CTNNA3: variants seen among roughly 807,000 people sequenced by gnomAD.
The protein encoded by CTNNA3 is catenin alpha-3.
Under a neutral mutation model 95.7 loss-of-function variants are expected in CTNNA3, and 76 were observed. The observed-to-expected ratio is 0.79, with a 90% confidence interval of 0.66 to 0.96. CTNNA3 has a LOEUF of 0.96. CTNNA3 is among the 40% of genes least tolerant of loss of function. The probability of loss-of-function intolerance (pLI) is 0.00; values close to 1 mark genes in which losing one functional copy is unlikely to be tolerated. For missense variants in CTNNA3, 1,191 were observed against 1,089.8 expected (o/e 1.09, Z -1.31); for synonymous variants, 431 against 374.4 (o/e 1.15, Z -1.74).
intron 17 of CTNNA3, among the ~76,000 whole-genome samples, chr10:65,926,059 C>T (rs914006955): frequency 2.0e-5 from 3 of 149,372 alleles, no homozygotes; most frequent in African/African-American, 7.3e-5. Flanking sequence ...ATAATAGATA[C>T]TAAATATATA....
chr10:67,056,422 T>G (rs1371999337), intron 7 of CTNNA3, among the ~76,000 whole-genome samples: 3 of 152,142 alleles, frequency 2.0e-5, no homozygotes, highest in African/African-American at 7.2e-5. Flanking sequence ...TGCATCTAAT[T>G]TTATGTTCAC....
At chr10:66,771,019 G>C (rs979250891) in intron 8 of CTNNA3, among the ~76,000 whole-genome samples, 21 of 152,174 alleles carry the variant, frequency 1.4e-4, no homozygotes, top group African/African-American at 5.1e-4. Flanking sequence ...GATACATAAT[G>C]TTATTTGATG....
At chr10:66,199,806 T>TATATATATATGTATATATATATA (rs1554887153) in intron 13 of CTNNA3, among the ~76,000 whole-genome samples, 1 of 9,042 alleles carries the variant, frequency 1.1e-4, no homozygotes, top group Non-Finnish European at 1.8e-4. Flanking sequence ...TATATATATA[T>TATATATATATGTATATATATATA]TTTTTTTTTT....
At chr10:66,919,629 C>T (rs186912459) in intron 7 of CTNNA3, among the ~76,000 whole-genome samples, 1 of 152,224 alleles carries the variant, frequency 6.6e-6, no homozygotes, top group Non-Finnish European at 1.5e-5. Context: ...ATGGTCAGAC[C>T]TGGAATATTC....
At chr10:66,671,954 T>C (rs908998270) in intron 9 of CTNNA3, among the ~76,000 whole-genome samples, 3 of 152,174 alleles carry the variant, frequency 2.0e-5, no homozygotes, top group African/African-American at 7.2e-5. Context: ...ATGCTGGTTA[T>C]TATTCTTGAA....
intron 5 of CTNNA3, among the ~76,000 whole-genome samples, chr10:67,443,514 T>A (rs975103208): frequency 6.6e-6 from 1 of 152,122 alleles, no homozygotes; most frequent in African/African-American, 2.4e-5. Context: ...GATATCTCAT[T>A]GTGGTTTTGA....
chr10:66,394,672 T>G (rs1280451198), intron 11 of CTNNA3, among the ~76,000 whole-genome samples: 1 of 151,918 alleles, frequency 6.6e-6, no homozygotes, highest in East Asian at 1.9e-4. Flanking sequence ...ATAAAACCAT[T>G]CAAGTCTTGC....
chr10:67,650,967 A>C (rs1160016820), intron 1 of CTNNA3, among the ~76,000 whole-genome samples: 4 of 151,012 alleles, frequency 2.6e-5, no homozygotes, highest in Non-Finnish European at 4.4e-5. Flanking sequence ...CCCCTCCCCC[A>C]CTGCCTCCCC....
At chr10:67,392,187 G>C (rs375263929) in intron 5 of CTNNA3, among the ~76,000 whole-genome samples, 6,211 of 152,016 alleles carry the variant, frequency 0.041, 182 homozygotes, top group South Asian at 0.1. Flanking sequence ...AGAATCTACA[G>C]TGAACTCAAA....
At chr10:67,438,887 C>G (rs1383986579) in intron 5 of CTNNA3, among the ~76,000 whole-genome samples, 1 of 152,182 alleles carries the variant, frequency 6.6e-6, no homozygotes, top group Non-Finnish European at 1.5e-5. Context: ...AGAGGGAAAT[C>G]GCCCATCCCA....
intron 15 of CTNNA3, among the ~76,000 whole-genome samples, chr10:66,004,879 G>C (rs879507861): frequency 6.6e-6 from 1 of 152,128 alleles, no homozygotes; most frequent in East Asian, 1.9e-4. Context: ...GTTTCTTATC[G>C]CTGCTGTAAC....
At chr10:67,017,503 T>C (rs1309098862) in intron 7 of CTNNA3, among the ~76,000 whole-genome samples, 2 of 152,190 alleles carry the variant, frequency 1.3e-5, no homozygotes, top group Admixed American at 6.5e-5. Context: ...CTATCTTTTG[T>C]GTACCACACT....
At chr10:67,726,200 T>C (rs1454686752) in intron 1 of CTNNA3, among the ~76,000 whole-genome samples, 1 of 106,426 alleles carries the variant, frequency 9.4e-6, no homozygotes, top group Non-Finnish European at 1.7e-5. Context: ...ATATATAATA[T>C]ATCATATATT....
intron 9 of CTNNA3, among the ~76,000 whole-genome samples, chr10:66,630,611 A>C (rs1845098977): frequency 6.6e-6 from 1 of 152,140 alleles, no homozygotes; most frequent in Admixed American, 6.6e-5. Flanking sequence ...CAAGAGCTTC[A>C]TTGTCTATTT....
At chr10:65,996,446 T>G (rs1241442623) in intron 15 of CTNNA3, among the ~76,000 whole-genome samples, 1 of 152,044 alleles carries the variant, frequency 6.6e-6, no homozygotes, top group Non-Finnish European at 1.5e-5. Context: ...CTGTAAGGGA[T>G]GTAGGGAGAT....
intron 10 of CTNNA3, among the ~76,000 whole-genome samples, chr10:66,550,935 T>C (rs527332653): frequency 1.3e-5 from 2 of 152,266 alleles, no homozygotes; most frequent in East Asian, 3.9e-4. Context: ...TATAAATCCT[T>C]TTGCCCCATT....
intron 7 of CTNNA3, among the ~76,000 whole-genome samples, chr10:66,935,835 T>C (rs1320931187): frequency 4.0e-5 from 6 of 148,710 alleles, no homozygotes; most frequent in African/African-American, 1.3e-4. Flanking sequence ...TGTCTTCCTG[T>C]AAGTTTCACT....
chr10:67,726,420 T>C lies in CTNNA3; in HGVS notation c.-2+37014A>G, dbSNP rs368085152. 7.9e-3 allele frequency among the ~76,000 whole-genome samples: 323 copies of C among 40,954 alleles called. 3 individuals carry two copies. The highest frequency in any genetic ancestry group is 0.026 in the Admixed American group (61 of 2,310). The allele number at this position is 40,954 out of a possible 152,430, so 26.9% of individuals were successfully genotyped here. Reference sequence around the variant, plus strand: ...TTATATATTATATCATATATAATATTATATATTATATCATATATAATATAT... The same window carrying C: ...TTATATATTATATCATATATAATATCATATATTATATCATATATAATATAT... On this transcript the variant is annotated intron_variant, in intron 1 of 17. Transcript: ENST00000684154.
intron 13 of CTNNA3, among the ~76,000 whole-genome samples, chr10:66,236,465 G>A (rs1471546158): frequency 3.3e-5 from 5 of 152,088 alleles, no homozygotes; most frequent in Non-Finnish European, 7.4e-5. Context: ...TATTTTGGTA[G>A]GTTTCCTTGA....
Sources: gnomAD v4.1 joint callset for allele counts (sites outside exome capture counted in the v4.1 genomes callset) on GRCh38, gnomAD v4.1.1 for gene constraint, MANE v1.5 for transcripts, NCBI Gene and HGNC (gene_info 2026-07-23, HGNC 2026-07-21) for gene names.